TINAG: variants seen among roughly 807,000 people sequenced by gnomAD.
TINAG encodes the protein tubulointerstitial nephritis antigen.
In TINAG, 83 loss-of-function variants were observed where a neutral mutation model predicts 72.7. The observed-to-expected ratio is 1.14, with a 90% CI of 0.96 to 1.37. The LOEUF (loss-of-function observed/expected upper bound fraction) is 1.37. TINAG is among the 40% of genes most tolerant of loss of function. The pLI, the probability that TINAG is intolerant of heterozygous loss-of-function variation, is 0.00. For missense variants in TINAG, 685 were observed against 576.6 expected (o/e 1.19, Z -1.93); for synonymous variants, 234 against 189.9 (o/e 1.23, Z -1.91).
chr6:54,329,080 C>T (rs1420867240), intron 4 of TINAG, among the ~76,000 whole-genome samples: 3 of 152,030 alleles, frequency 2.0e-5, no homozygotes, highest in Non-Finnish European at 4.4e-5. Flanking sequence ...ACTTCCCCAA[C>T]CTACCAAGAC....
At chr6:54,368,479 A>G (rs936986325) in intron 9 of TINAG, among the ~76,000 whole-genome samples, 2 of 150,542 alleles carry the variant, frequency 1.3e-5, no homozygotes, top group Non-Finnish European at 1.5e-5. Context: ...TTTTTCTTCA[A>G]ACTCTGAACT....
At chr6:54,345,768 T>C (rs1582725096) in intron 5 of TINAG, among the ~76,000 whole-genome samples, 1 of 152,172 alleles carries the variant, frequency 6.6e-6, no homozygotes, top group Middle Eastern at 3.4e-3. Context: ...TTAACACATA[T>C]TGAGCATCTA....
intron 10 of TINAG, among the ~76,000 whole-genome samples, chr6:54,384,577 AT>A (rs545290731): frequency 6.6e-6 from 1 of 152,224 alleles, no homozygotes; most frequent in Non-Finnish European, 1.5e-5. Flanking sequence ...AAAATGCTGG[AT>A]AAAATAATAA....
At chr6:54,331,023 G>A (rs1784727011) in intron 4 of TINAG, among the ~76,000 whole-genome samples, 2 of 152,112 alleles carry the variant, frequency 1.3e-5, no homozygotes, top group Admixed American at 1.3e-4. Flanking sequence ...AATTATTCCA[G>A]AGGTACAAAG....
At chr6:54,374,887 T>C (rs954972393) in intron 9 of TINAG, among the ~76,000 whole-genome samples, 1 of 151,874 alleles carries the variant, frequency 6.6e-6, no homozygotes, top group African/African-American at 2.4e-5. Context: ...TCTTTACATG[T>C]CCACTGTTTT....
At chr6:54,352,453 A>C (rs1388361015) in intron 8 of TINAG, among the ~76,000 whole-genome samples, 2 of 151,824 alleles carry the variant, frequency 1.3e-5, no homozygotes, top group African/African-American at 2.4e-5. Context: ...GACATTACCC[A>C]AAACCTGAAA....
At chr6:54,315,061 A>G (rs1346469823) in intron 1 of TINAG, among the ~76,000 whole-genome samples, 1 of 152,168 alleles carries the variant, frequency 6.6e-6, no homozygotes, top group African/African-American at 2.4e-5. Flanking sequence ...AAATTAGTTA[A>G]GATAAAAATA....
intron 8 of TINAG, among the ~76,000 whole-genome samples, chr6:54,354,270 G>A (rs73444777): frequency 0.013 from 2,011 of 151,924 alleles, 56 homozygotes; most frequent in African/African-American, 0.045. Flanking sequence ...ATTAAGACTA[G>A]ATGGTGTTTT....
chr6:54,368,429 A>C (rs997773819), intron 9 of TINAG, among the ~76,000 whole-genome samples: 28 of 149,956 alleles, frequency 1.9e-4, no homozygotes, highest in South Asian at 4.2e-4. Flanking sequence ...AGTATGCCTG[A>C]AAGATATTTG....
chr6:54,382,692 T>C (rs547484260), intron 10 of TINAG, among the ~76,000 whole-genome samples: 1 of 152,068 alleles, frequency 6.6e-6, no homozygotes, highest in Non-Finnish European at 1.5e-5. Context: ...CAGAGTAACA[T>C]AGCAGCATGC....
chr6:54,328,343 C>T (rs1212525293), intron 4 of TINAG, among the ~76,000 whole-genome samples: 1 of 152,024 alleles, frequency 6.6e-6, no homozygotes, highest in Non-Finnish European at 1.5e-5. Flanking sequence ...TGGAGTGGAC[C>T]TCTAGCAAAC....
chr6:54,369,659 T>A (rs1054813201), intron 9 of TINAG, among the ~76,000 whole-genome samples: 1 of 151,936 alleles, frequency 6.6e-6, no homozygotes, highest in Non-Finnish European at 1.5e-5. Context: ...ATTGAAGCAC[T>A]ATACACAGAG....
At chr6:54,348,509 G>T (rs1047561900) in intron 6 of TINAG, among the ~76,000 whole-genome samples, 3 of 152,068 alleles carry the variant, frequency 2.0e-5, no homozygotes, top group African/African-American at 7.2e-5. Context: ...TGTGGAGGCT[G>T]CAAAATCCAG....
At chr6:54,368,396 A>T (rs1763502458) in intron 9 of TINAG, among the ~76,000 whole-genome samples, 1 of 148,872 alleles carries the variant, frequency 6.7e-6, no homozygotes, top group Admixed American at 6.8e-5. Flanking sequence ...TACATTATTA[A>T]ATTATTATGT....
chr6:54,329,901 T>C (rs1372230683), intron 4 of TINAG, among the ~76,000 whole-genome samples: 1 of 151,496 alleles, frequency 6.6e-6, no homozygotes, highest in African/African-American at 2.4e-5. Flanking sequence ...GGTAAGGGGA[T>C]CAAGGCAACA....
intron 6 of TINAG, among the ~76,000 whole-genome samples, chr6:54,349,035 C>A (rs960133090): frequency 1.3e-5 from 2 of 151,694 alleles, no homozygotes; most frequent in African/African-American, 2.4e-5. Context: ...GAATTGGTGC[C>A]GAATAATTTC....
chr6:54,367,443 T>TA (rs1425813651), intron 9 of TINAG, among the ~76,000 whole-genome samples: 1 of 151,796 alleles, frequency 6.6e-6, no homozygotes, highest in Non-Finnish European at 1.5e-5. Context: ...GCACATAGTC[T>TA]AATAGTGGAG....
At chr6:54,326,941 A>G (rs1284277937) in intron 4 of TINAG, 25 bp downstream of exon 4, 1 of 1,612,882 alleles carries the variant, frequency 6.2e-7, no homozygotes, top group Non-Finnish European at 8.5e-7. Context: ...TGATTCACGT[A>G]TGTGCATGTA....
At chr6:54,384,565 C>T (rs917751425) in intron 10 of TINAG, among the ~76,000 whole-genome samples, 1 of 152,000 alleles carries the variant, frequency 6.6e-6, no homozygotes, top group Non-Finnish European at 1.5e-5. Context: ...AATGACATTG[C>T]TAAAATGCTG....
Sources: allele counts gnomAD v4.1 joint callset (sites outside exome capture counted in the v4.1 genomes callset), GRCh38; gene constraint gnomAD v4.1.1; transcripts MANE v1.5; gene names NCBI Gene and HGNC (gene_info 2026-07-23, HGNC 2026-07-21).